The following DEK variants were observed in gnomAD, a reference collection of about 807,000 sequenced individuals.
DEK encodes the protein protein DEK.
A neutral mutation model predicts 46.8 loss-of-function variants in DEK; 28 were observed. The ratio of observed to expected loss-of-function variants is 0.60; its 90% CI spans 0.44 to 0.82. The LOEUF (loss-of-function observed/expected upper bound fraction) is 0.82. Ranked by LOEUF, DEK falls within the 40% of genes least tolerant of loss-of-function variation. DEK has a pLI of 0.00. For synonymous variants in DEK, 160 were observed against 144.5 expected, an observed-to-expected ratio of 1.11 and a Z score of -0.77; for missense variants, 416 against 430.6, an observed-to-expected ratio of 0.97 and a Z score of 0.30.
chr6:18,260,754 C>T (rs868219846), intron 2 of DEK, among the ~76,000 whole-genome samples: 57 of 151,980 alleles, frequency 3.8e-4, no homozygotes, highest in African/African-American at 1.2e-3. Context: ...TAATCCAGGC[C>T]CTTTGGGAGG....
At chr6:18,261,797 A>C (rs1196703056) in intron 2 of DEK, among the ~76,000 whole-genome samples, 2 of 152,190 alleles carry the variant, frequency 1.3e-5, no homozygotes, top group Non-Finnish European at 2.9e-5. Flanking sequence ...CTGGACTTAC[A>C]GATTTGGGAC....
chr6:18,263,450 A>G (rs61079588), intron 2 of DEK, among the ~76,000 whole-genome samples: 3,878 of 152,242 alleles, frequency 0.025, 161 homozygotes, highest in African/African-American at 0.088. Context: ...TCAAAAGGCA[A>G]AAGATGTGTA....
chr6:18,250,447 C>CG (rs1481745543), intron 6 of DEK, among the ~76,000 whole-genome samples: 2 of 151,542 alleles, frequency 1.3e-5, no homozygotes, highest in Admixed American at 1.3e-4. Context: ...CCAGCCTGGG[C>CG]AACAGTGTGA....
At chr6:18,256,987 T>C (rs1043402790) in intron 4 of DEK, among the ~76,000 whole-genome samples, 11 of 152,204 alleles carry the variant, frequency 7.2e-5, no homozygotes, top group African/African-American at 2.7e-4. Flanking sequence ...AATTATGTCA[T>C]GCACCAGACA....
intron 2 of DEK, 88 bp downstream of exon 2, chr6:18,263,755 A>G (rs769243944): frequency 1.9e-6 from 3 of 1,608,790 alleles, no homozygotes; most frequent in Non-Finnish European, 2.5e-6. Flanking sequence ...TCTAAACACC[A>G]AAAGAGCAAG....
intron 9 of DEK, among the ~76,000 whole-genome samples, chr6:18,234,210 G>T (rs1205760222): frequency 3.3e-5 from 5 of 151,390 alleles, no homozygotes; most frequent in Admixed American, 6.6e-5. Context: ...ACGGGGGAGG[G>T]ATAGCATTAG....
At chr6:18,262,752 G>A (rs1415405861) in intron 2 of DEK, among the ~76,000 whole-genome samples, 1 of 152,150 alleles carries the variant, frequency 6.6e-6, no homozygotes, top group Non-Finnish European at 1.5e-5. Context: ...CAATTTTGTT[G>A]TTGTATTAAA....
intron 2 of DEK, among the ~76,000 whole-genome samples, chr6:18,262,779 C>G (rs1370802525): frequency 6.6e-6 from 1 of 152,164 alleles, no homozygotes; most frequent in East Asian, 1.9e-4. Flanking sequence ...TTTAAAATAA[C>G]ATGTTGTTAA....
chr6:18,254,682 T>C lies in DEK; in HGVS notation c.573+1049A>G, dbSNP rs1791530586. On this transcript the variant is annotated intron_variant, in intron 6 of 10. Transcript: ENST00000652689. Reference sequence around the variant, plus strand: ...AAGATAAATATAAAAATATCTGTCATAACAACCTAGTAAATTGCTTCTGAG... The same window carrying C: ...AAGATAAATATAAAAATATCTGTCACAACAACCTAGTAAATTGCTTCTGAG... Among the ~76,000 whole-genome samples, 3 of 152,164 alleles carry C rather than the reference T, an allele frequency of 2.0e-5. 1 individual carries two copies. The South Asian group carries it at 6.2e-4, about 32-fold the overall frequency.
intron 7 of DEK, among the ~76,000 whole-genome samples, chr6:18,245,977 C>T (rs1040354745): frequency 6.6e-6 from 1 of 152,234 alleles, no homozygotes; most frequent in Non-Finnish European, 1.5e-5. Flanking sequence ...CTTGCTGCCG[C>T]GTAAGATGGG....
chr6:18,256,148 C>T (rs750476674), intron 5 of DEK, among the ~76,000 whole-genome samples: 13 of 151,916 alleles, frequency 8.6e-5, no homozygotes, highest in Admixed American at 3.3e-4. Context: ...CCACCACAGC[C>T]GGCTAATTTT....
At chr6:18,233,830 G>A (rs1321305746) in intron 9 of DEK, among the ~76,000 whole-genome samples, 2 of 152,160 alleles carry the variant, frequency 1.3e-5, no homozygotes, top group Non-Finnish European at 2.9e-5. Context: ...ATTTGACCCA[G>A]CCATCCCATT....
At chr6:18,253,419 T>A (rs1791478538) in intron 6 of DEK, among the ~76,000 whole-genome samples, 1 of 152,212 alleles carries the variant, frequency 6.6e-6, no homozygotes, top group Non-Finnish European at 1.5e-5. Flanking sequence ...ATTTTTCTGA[T>A]GAGATGATAT....
rs1482453471 is a variant in DEK, at chr6:18,263,888, C to T, written c.100G>A (p.Glu34Lys). ...EMPGPREESE[E>K]EEDEDDEEEE... ...TCCTCGTCGTCCTCGTCCTCTTCCT[C>T]CTCGCTCTCCTCTCTGGGACCGGGC... The change falls in exon 2 of 11, where the codon GAG (glutamate) becomes AAG (lysine). Residue 34 changes from glutamate to lysine, a missense_variant. By Grantham distance (56) the Glu-to-Lys change is moderately conservative (BLOSUM62 1). Transcript: ENST00000652689. The T allele has an allele frequency of 2.5e-6, 4 of 1,612,810 alleles. No homozygotes were observed. Among genetic ancestry groups the T allele is most frequent in the African/African-American group, 2.7e-5 (2 of 74,900 alleles).
Position 18,227,316 on chromosome 6 carries a change from C to T in DEK, c.1048-1074G>A, listed in dbSNP as rs180930529. On this transcript the variant is annotated intron_variant, in intron 9 of 10. Coordinates refer to ENST00000652689, the MANE Select transcript of DEK (RefSeq NM_003472.4). ...TCCATCTACTGAGATAGGGGAAAAA[C>T]GCCTTAGGGCTGGAGGTGGGACATG... Among the ~76,000 whole-genome samples the T allele has an allele frequency of 3.0e-4, 45 of 152,242 alleles. No homozygotes were observed. In the East Asian group the frequency reaches 3.3e-3, roughly 11 times the overall value.
At chr6:18,237,176 T>G in intron 8 of DEK, 2 of 414,654 alleles carry the variant, frequency 4.8e-6, no homozygotes, top group Non-Finnish European at 3.9e-6. Context: ...TCTCTCTCTG[T>G]CTCTCTCTCT....
intron 4 of DEK, among the ~76,000 whole-genome samples, chr6:18,257,702 T>G (rs900105628): frequency 1.3e-5 from 2 of 150,142 alleles, no homozygotes; most frequent in Non-Finnish European, 3.0e-5. Context: ...GGTGACAAAG[T>G]GAGACCGTGT....
At position 18,230,507 on chromosome 6, in the gene DEK, A is replaced by T. The variant is rs1234779164; in HGVS notation, c.1048-4265T>A. On this transcript the variant is annotated intron_variant, in intron 9 of 10. Coordinates refer to ENST00000652689, the MANE Select transcript of DEK (RefSeq NM_003472.4). The stretch of plus-strand genomic sequence containing the variant: ...CCATCTCATGTGCAGAGACACACAT[A>T]GGCTCAAAATGAAGGGATGGAGGAA... 2.0e-5 allele frequency among the ~76,000 whole-genome samples: 3 copies of T among 152,212 alleles called. No individual in the cohort carries two copies. The East Asian group carries it at 5.8e-4, about 29-fold the overall frequency.
chr6:18,243,222 T>C (rs985690231), intron 7 of DEK, among the ~76,000 whole-genome samples: 4 of 152,196 alleles, frequency 2.6e-5, no homozygotes, highest in Non-Finnish European at 4.4e-5. Flanking sequence ...AGATGCAAGA[T>C]GTGAAAGCAC....
Sources: allele counts gnomAD v4.1 joint callset (sites outside exome capture counted in the v4.1 genomes callset), GRCh38; gene constraint gnomAD v4.1.1; transcripts MANE v1.5; gene names NCBI Gene and HGNC (gene_info 2026-07-23, HGNC 2026-07-21).